Variants in CNTNAP5 observed in about 807,000 individuals in gnomAD.
CNTNAP5 encodes the protein contactin associated protein family member 5, also known as contactin-associated protein-like 5.
A neutral mutation model predicts 150.2 loss-of-function variants in CNTNAP5; 72 were observed. That is an observed-to-expected ratio of 0.48 (90% CI 0.40 to 0.58). The LOEUF is 0.58. Ranked by LOEUF, CNTNAP5 falls within the 20% of genes least tolerant of loss-of-function variation. CNTNAP5 has a pLI of 0.00. For synonymous variants in CNTNAP5, 672 were observed against 619.8 expected (o/e 1.08, Z -1.25); for missense variants, 1,636 against 1,626.2 (o/e 1.01, Z -0.10).
At chr2:124,198,399 C>T (rs913124271) in intron 1 of CNTNAP5, among the ~76,000 whole-genome samples, 4 of 151,942 alleles carry the variant, frequency 2.6e-5, no homozygotes, top group Non-Finnish European at 4.4e-5. Flanking sequence ...TATACAGAAG[C>T]GCTTAGTTTT....
intron 12 of CNTNAP5, among the ~76,000 whole-genome samples, chr2:124,623,125 A>T (rs537403421): frequency 2.0e-5 from 3 of 152,272 alleles, no homozygotes; most frequent in African/African-American, 7.2e-5. Flanking sequence ...ATCAATATTC[A>T]TTGGTTATCT....
chr2:124,565,631 G>C, intron 11 of CNTNAP5, among the ~76,000 whole-genome samples: 1 of 107,770 alleles, frequency 9.3e-6, no homozygotes, highest in African/African-American at 3.8e-5. Context: ...ATGGAGTCTT[G>C]CTCTGTCACC....
chr2:124,726,038 A>C (rs1163064966), intron 13 of CNTNAP5, among the ~76,000 whole-genome samples: 1 of 150,848 alleles, frequency 6.6e-6, no homozygotes, highest in Non-Finnish European at 1.5e-5. Context: ...ATTTTGTGGA[A>C]CCTCCATACT....
chr2:124,769,577 G>A (rs999029919), intron 16 of CNTNAP5, among the ~76,000 whole-genome samples: 26 of 152,264 alleles, frequency 1.7e-4, no homozygotes, highest in Middle Eastern at 3.4e-3. Context: ...CACCTCTTCA[G>A]CAAGTGAGAG....
At chr2:124,170,516 C>A (rs17010966) in intron 1 of CNTNAP5, among the ~76,000 whole-genome samples, 29,835 of 152,134 alleles carry the variant, frequency 0.2, 3,737 homozygotes, top group East Asian at 0.6. Flanking sequence ...GTGTCCTCTG[C>A]CATTCTATGA....
chr2:124,676,935 C>A (rs563851765), intron 13 of CNTNAP5, among the ~76,000 whole-genome samples: 2 of 151,400 alleles, frequency 1.3e-5, no homozygotes, highest in Admixed American at 1.3e-4. Flanking sequence ...CCTTCCTCCA[C>A]CATCTGGAAG....
chr2:124,681,844 G>T (rs994805556), intron 13 of CNTNAP5, among the ~76,000 whole-genome samples: 2 of 152,180 alleles, frequency 1.3e-5, no homozygotes, highest in South Asian at 2.1e-4. Flanking sequence ...TTGCAGGCAT[G>T]AACCACCATG....
rs148129379 is a variant in CNTNAP5, at chr2:124,911,649, A to G, written c.3727+111A>G. The G allele has an allele frequency of 1.1e-5, 9 of 809,880 alleles. No individual in the cohort carries two copies. In the African/African-American group the frequency reaches 1.2e-4, roughly 11 times the overall value. The allele number at this position is 809,880 out of a possible 1,614,324, so 50.2% of individuals were successfully genotyped here. ...GGCCATCCAGCACTCAGAGCCCCCT[A>G]CATTACCTGCAAGACTGTGGGCTTT... On this transcript the variant is annotated intron_variant, in intron 23 of 23. Coordinates refer to ENST00000682447, the MANE Select transcript of CNTNAP5 (RefSeq NM_001367498.1).
intron 3 of CNTNAP5, among the ~76,000 whole-genome samples, chr2:124,282,525 C>G (rs1313213147): frequency 6.6e-6 from 1 of 152,074 alleles, no homozygotes; most frequent in African/African-American, 2.4e-5. Flanking sequence ...CCAAGCACCT[C>G]TCTGTAATTG....
At chr2:124,590,180 A>G (rs1297706724) in intron 11 of CNTNAP5, among the ~76,000 whole-genome samples, 1 of 152,180 alleles carries the variant, frequency 6.6e-6, no homozygotes, top group Non-Finnish European at 1.5e-5. Context: ...ACCATAAAAA[A>G]ATAAAACTTT....
chr2:124,510,064 G>A (rs1694521809), intron 8 of CNTNAP5, among the ~76,000 whole-genome samples: 1 of 151,642 alleles, frequency 6.6e-6, no homozygotes, highest in Non-Finnish European at 1.5e-5. Flanking sequence ...AGTTGAGTGT[G>A]GTGGCGCATG....
chr2:124,882,863 A>T (rs1051379367), intron 21 of CNTNAP5, among the ~76,000 whole-genome samples: 1 of 152,046 alleles, frequency 6.6e-6, no homozygotes, highest in African/African-American at 2.4e-5. Flanking sequence ...GGAGGCAGGC[A>T]TGCAGTGCAG....
chr2:124,655,987 G>T (rs1197587922), intron 13 of CNTNAP5, among the ~76,000 whole-genome samples: 22 of 128,106 alleles, frequency 1.7e-4, no homozygotes, highest in Non-Finnish European at 2.9e-4. Flanking sequence ...AAGAAAGAAA[G>T]AAAGAAAGAA....
chr2:124,039,143 G>A (rs1364617406), intron 1 of CNTNAP5, among the ~76,000 whole-genome samples: 1 of 152,180 alleles, frequency 6.6e-6, no homozygotes, highest in Admixed American at 6.5e-5. Context: ...TCAAATACTT[G>A]TGTCCTTATC....
At chr2:124,209,820 G>A (rs1030691421) in intron 1 of CNTNAP5, among the ~76,000 whole-genome samples, 4 of 152,132 alleles carry the variant, frequency 2.6e-5, no homozygotes, top group African/African-American at 9.7e-5. Context: ...CCCCATAAAG[G>A]AGAAAAGGAA....
chr2:124,892,400 A>G (rs1172723500), intron 21 of CNTNAP5, among the ~76,000 whole-genome samples: 1 of 152,152 alleles, frequency 6.6e-6, no homozygotes, highest in Non-Finnish European at 1.5e-5. Context: ...GGATGAATTT[A>G]TGTTTGCTCA....
At chr2:124,099,391 A>T (rs1683013129) in intron 1 of CNTNAP5, among the ~76,000 whole-genome samples, 1 of 152,178 alleles carries the variant, frequency 6.6e-6, no homozygotes, top group Non-Finnish European at 1.5e-5. Context: ...TACATCTAAC[A>T]TTCACCAAGT....
intron 1 of CNTNAP5, among the ~76,000 whole-genome samples, chr2:124,166,296 A>C (rs899040408): frequency 2.6e-5 from 4 of 152,156 alleles, no homozygotes; most frequent in Non-Finnish European, 4.4e-5. Context: ...TTAAAGCATC[A>C]TGTGGGAGAT....
At chr2:124,450,269 T>C (rs527892845) in intron 6 of CNTNAP5, among the ~76,000 whole-genome samples, 13 of 151,824 alleles carry the variant, frequency 8.6e-5, no homozygotes, top group Middle Eastern at 3.4e-3. Context: ...GATATATATA[T>C]ATACTCTGAT....
Sources: allele counts gnomAD v4.1 joint callset (sites outside exome capture counted in the v4.1 genomes callset), GRCh38; gene constraint gnomAD v4.1.1; transcripts MANE v1.5; gene names NCBI Gene and HGNC (gene_info 2026-07-23, HGNC 2026-07-21).